SNX18: variants seen among roughly 807,000 people sequenced by gnomAD.
SNX18 encodes sorting nexin 18.
Under a neutral mutation model 48.7 loss-of-function variants are expected in SNX18, and 35 were observed. The observed-to-expected ratio is 0.72, with a 90% CI of 0.55 to 0.95. The LOEUF (loss-of-function observed/expected upper bound fraction) is 0.95, where lower values mean the gene tolerates loss of function less well. Among genes scored for constraint, SNX18 ranks in the 40% least tolerant of loss-of-function variants. The pLI is 0.00. For synonymous variants in SNX18, 492 were observed against 384.7 expected, an observed-to-expected ratio of 1.28 and a Z score of -3.26; for missense variants, 824 against 871.0, an observed-to-expected ratio of 0.95 and a Z score of 0.68.
At chr5:54,600,345 T>C in the SNX18 span, among the ~76,000 whole-genome samples, 1 of 152,192 alleles carries the variant, frequency 6.6e-6, no homozygotes, top group Admixed American at 6.5e-5. Context: ...CTGGCAAGGT[T>C]GCAGAGAAAT....
At chr5:54,605,064 G>A in the SNX18 span, among the ~76,000 whole-genome samples, 407 of 152,316 alleles carry the variant, frequency 2.7e-3, 3 homozygotes, top group Non-Finnish European at 3.3e-3. Context: ...GAGGAAGTGT[G>A]AGGGGTGGTG....
At chr5:54,534,645 G>A (rs1762317478) in intron 1 of SNX18, among the ~76,000 whole-genome samples, 1 of 150,096 alleles carries the variant, frequency 6.7e-6, no homozygotes, top group African/African-American at 2.5e-5. Flanking sequence ...AATGCCTGAG[G>A]CAGTACAGCG....
chr5:54,602,974 C>G, the SNX18 span, among the ~76,000 whole-genome samples: 1 of 152,122 alleles, frequency 6.6e-6, no homozygotes, highest in African/African-American at 2.4e-5. Context: ...CTCTCCTGCC[C>G]TGCTCATACC....
the SNX18 span, among the ~76,000 whole-genome samples, chr5:54,594,427 C>T: frequency 6.6e-6 from 1 of 152,172 alleles, no homozygotes; most frequent in African/African-American, 2.4e-5. Flanking sequence ...TTAGAAAGGC[C>T]TGCTTGGAAG....
At chr5:54,587,959 G>T in the SNX18 span, among the ~76,000 whole-genome samples, 21 of 152,280 alleles carry the variant, frequency 1.4e-4, no homozygotes, top group African/African-American at 5.1e-4. Context: ...CCATCTGCCA[G>T]GTTGTGTCCA....
chr5:54,636,519 GT>G, the SNX18 span, among the ~76,000 whole-genome samples: 4 of 152,068 alleles, frequency 2.6e-5, no homozygotes, highest in African/African-American at 9.7e-5. Context: ...AAACTACCCA[GT>G]AAACCTGTAC....
chr5:54,570,304 C>T, the SNX18 span, among the ~76,000 whole-genome samples: 10 of 152,338 alleles, frequency 6.6e-5, 1 homozygote, highest in East Asian at 9.6e-4. Context: ...TCAGAGGAAG[C>T]GTGCCCCTGC....
At chr5:54,601,543 G>A in the SNX18 span, among the ~76,000 whole-genome samples, 1 of 152,280 alleles carries the variant, frequency 6.6e-6, no homozygotes, top group South Asian at 2.1e-4. Flanking sequence ...CCTGAGGCAG[G>A]AAGCAGCCTA....
At chr5:54,629,172 C>A in the SNX18 span, among the ~76,000 whole-genome samples, 1 of 152,212 alleles carries the variant, frequency 6.6e-6, no homozygotes, top group South Asian at 2.1e-4. Flanking sequence ...TTGAGACTTG[C>A]ATCCTGGCTC....
At chr5:54,564,682 C>A in the SNX18 span, among the ~76,000 whole-genome samples, 73 of 152,248 alleles carry the variant, frequency 4.8e-4, no homozygotes, top group African/African-American at 1.7e-3. Flanking sequence ...CATGCTGAAA[C>A]CCCATCTCTA....
At chr5:54,582,076 G>T in the SNX18 span, among the ~76,000 whole-genome samples, 1 of 152,194 alleles carries the variant, frequency 6.6e-6, no homozygotes, top group Non-Finnish European at 1.5e-5. Flanking sequence ...GGCAAGGCCT[G>T]GGAACAGAAC....
the SNX18 span, among the ~76,000 whole-genome samples, chr5:54,574,924 C>T: frequency 5.3e-5 from 8 of 152,178 alleles, no homozygotes; most frequent in East Asian, 1.5e-3. Context: ...ATTACCCTTC[C>T]AGAGCTCTAG....
At chr5:54,600,741 G>A in the SNX18 span, among the ~76,000 whole-genome samples, 2 of 152,098 alleles carry the variant, frequency 1.3e-5, no homozygotes, top group African/African-American at 2.4e-5. Flanking sequence ...AAAACCAAAG[G>A]CCACATGTTC....
At chr5:54,549,507 T>A (rs1762621583), downstream of SNX18, among the ~76,000 whole-genome samples, 1 of 152,046 alleles carries the variant, frequency 6.6e-6, no homozygotes, top group Non-Finnish European at 1.5e-5. Flanking sequence ...CACCAGCACC[T>A]CCTGTTAGGG....
the SNX18 span, among the ~76,000 whole-genome samples, chr5:54,589,065 G>A: frequency 1.3e-5 from 2 of 152,096 alleles, no homozygotes; most frequent in Non-Finnish European, 2.9e-5. Context: ...TTATCTTATA[G>A]AAGGTTGAAA....
the SNX18 span, among the ~76,000 whole-genome samples, chr5:54,566,945 C>T: frequency 2.0e-5 from 3 of 152,198 alleles, no homozygotes; most frequent in Non-Finnish European, 4.4e-5. Flanking sequence ...CACCATTGGG[C>T]CTTATGGCCA....
intron 1 of SNX18, among the ~76,000 whole-genome samples, chr5:54,535,969 C>T (rs1170124173): frequency 6.6e-6 from 1 of 152,064 alleles, no homozygotes; most frequent in South Asian, 2.1e-4. Flanking sequence ...TGGAAGAATT[C>T]GAGTAATCCA....
intron 1 of SNX18, among the ~76,000 whole-genome samples, chr5:54,524,285 T>C (rs1392907326): frequency 6.6e-6 from 1 of 152,184 alleles, no homozygotes; most frequent in Non-Finnish European, 1.5e-5. Flanking sequence ...GCACCGCTCA[T>C]ACCACACCGT....
the SNX18 span, among the ~76,000 whole-genome samples, chr5:54,552,749 C>T: frequency 6.6e-6 from 1 of 151,148 alleles, no homozygotes; most frequent in African/African-American, 2.4e-5. Context: ...ACAAAGCCAA[C>T]AAAAATTTAC....
Sources: allele counts gnomAD v4.1 joint callset (sites outside exome capture counted in the v4.1 genomes callset), GRCh38; gene constraint gnomAD v4.1.1; transcripts MANE v1.5; gene names NCBI Gene and HGNC (gene_info 2026-07-23, HGNC 2026-07-21).